The following TGFB3 variants were observed in gnomAD, a reference collection of about 807,000 sequenced individuals.
TGFB3 encodes the protein transforming growth factor beta 3, also known as transforming growth factor beta-3 proprotein.
A neutral mutation model predicts 40.1 loss-of-function variants in TGFB3; 5 were observed. The observed-to-expected ratio is 0.12, with a 90% CI of 0.07 to 0.26. The LOEUF is 0.26. Ranked by LOEUF, TGFB3 falls within the 10% of genes least tolerant of loss-of-function variation. TGFB3 has a pLI of 1.00. For synonymous variants in TGFB3, 184 were observed against 205.6 expected, an observed-to-expected ratio of 0.89 and a Z score of 0.90; for missense variants, 373 against 530.1, an observed-to-expected ratio of 0.70 and a Z score of 2.91.
chr14:75,961,083 C>CA lies in TGFB3; in HGVS notation c.927-8dup, dbSNP rs1303198865. 5 of 1,613,964 alleles carry CA rather than the reference C, an allele frequency of 3.1e-6. No homozygotes were observed. The highest frequency in any genetic ancestry group is 3.3e-5 in the Admixed American group (2 of 60,000). On this transcript the variant is annotated splice_polypyrimidine_tract_variant and splice_region_variant and intron_variant, in intron 5 of 6. Coordinates refer to ENST00000238682, the MANE Select transcript of TGFB3 (RefSeq NM_003239.5). ...GCAGTTCTCCTCCAAGTTGCTACAA[C>CA]AAAAAACATTTATAGAAAATCAACT... is the stretch of plus-strand genomic sequence containing the variant.
intron 1 of TGFB3, among the ~76,000 whole-genome samples, chr14:75,975,375 A>AAAATTG (rs1450231754): frequency 6.6e-6 from 1 of 151,978 alleles, no homozygotes; most frequent in Non-Finnish European, 1.5e-5. Flanking sequence ...CAAAAAAATT[A>AAAATTG]AAATTAAAAT....
In TGFB3 at chr14:75,980,764, T is replaced by A. The variant is rs2140254560; in HGVS notation, c.130A>T (p.Arg44Trp). 6.2e-7 allele frequency: 1 copy of A among 1,614,142 alleles called. No homozygotes were observed. The change falls in exon 1 of 7, where the codon AGG becomes TGG. Residue 44 changes from arginine to tryptophan, a missense_variant. Transcript: ENST00000238682. The surrounding 1 kb of genome is among the most constrained non-coding windows in gnomAD (Gnocchi z 4.3). The stretch of plus-strand genomic sequence containing the variant: ...CTGAGCTTGCTCAAGATCTGTCCCC[T>A]AATGGCTTCCACCCTCTTCTTCTTG... ...HIKKKRVEAIRGQILSKLRLT... is the reference protein window; with the variant it reads ...HIKKKRVEAIWGQILSKLRLT...
chr14:75,970,309 G>T (rs1395702737), intron 3 of TGFB3, among the ~76,000 whole-genome samples: 1 of 152,072 alleles, frequency 6.6e-6, no homozygotes, highest in Non-Finnish European at 1.5e-5. Flanking sequence ...TATAATCCCA[G>T]CACTTTTGGA....
chr14:75,966,048 A>G, intron 3 of TGFB3: 3 of 353,166 alleles, frequency 8.5e-6, no homozygotes, highest in Non-Finnish European at 1.6e-5. Context: ...CAGTAAGGAA[A>G]GCAAAAACTC....
intron 3 of TGFB3, chr14:75,966,732 C>T (rs894289973): frequency 1.3e-5 from 2 of 151,840 alleles, no homozygotes; most frequent in Admixed American, 1.3e-4. Context: ...GTTTTGGCAA[C>T]CAAAATCAAG....
chr14:75,971,566 C>T lies in TGFB3; in HGVS notation c.505G>A (p.Glu169Lys), dbSNP rs1555360808. ...PSSKRNEQRI[E>K]LFQILRPDEH... ...GAGAGAGGAGTTACCTGGAAGAGCT[C>T]GATCCTCTGCTCATTCCGCTTAGAG... The change falls in exon 2 of 7, where the codon GAG becomes AAG. Residue 169 changes from glutamate to lysine, a missense_variant. Glu to Lys is a moderately conservative substitution (Grantham distance 56). Transcript: ENST00000238682. This position sits in a 1 kb window ranked among gnomAD's most constrained non-coding sequence, Gnocchi z 4.5. The T allele has an allele frequency of 1.2e-6, 2 of 1,614,116 alleles. No individual in the cohort carries two copies. Among genetic ancestry groups the T allele is most frequent in the East Asian group, 2.2e-5 (1 of 44,890 alleles).
chr14:75,964,128 G>A (rs1318203070), intron 4 of TGFB3, among the ~76,000 whole-genome samples: 2 of 152,096 alleles, frequency 1.3e-5, no homozygotes, highest in African/African-American at 4.8e-5. Flanking sequence ...CGCCCACCTC[G>A]GCCTCCCAGA....
At chr14:75,965,716 AG>A in intron 3 of TGFB3, 21 bp from the exon 4 acceptor site, 1 of 1,595,126 alleles carries the variant, frequency 6.3e-7, no homozygotes, top group Non-Finnish European at 8.6e-7. Flanking sequence ...AGACAGAATT[AG>A]TGAGAAAAGC....
At chr14:75,963,813 A>G (rs1259005133) in intron 4 of TGFB3, among the ~76,000 whole-genome samples, 1 of 152,182 alleles carries the variant, frequency 6.6e-6, no homozygotes, top group Non-Finnish European at 1.5e-5. Flanking sequence ...TCATGGACCT[A>G]TGAAGCATCC....
At chr14:75,960,854 T>A (rs905287880) in intron 6 of TGFB3, 69 bp downstream of exon 6, 1 of 1,600,978 alleles carries the variant, frequency 6.2e-7, no homozygotes, top group Non-Finnish European at 8.5e-7. Flanking sequence ...AATCCTTCAC[T>A]CATTCTTTTT....
intron 5 of TGFB3, among the ~76,000 whole-genome samples, chr14:75,962,787 G>T (rs3917205): frequency 2.6e-5 from 4 of 152,160 alleles, no homozygotes; most frequent in African/African-American, 9.7e-5. Flanking sequence ...GAGAAGCTGG[G>T]TCTTTTCTAT....
chr14:75,973,425 T>G (rs1184770303), intron 1 of TGFB3, among the ~76,000 whole-genome samples: 1 of 152,258 alleles, frequency 6.6e-6, no homozygotes, highest in Non-Finnish European at 1.5e-5. Context: ...AATGAAGCCC[T>G]GATTAATAAT....
At chr14:75,967,712 TC>T (rs779797817) in intron 3 of TGFB3, among the ~76,000 whole-genome samples, 1 of 152,018 alleles carries the variant, frequency 6.6e-6, no homozygotes, top group Non-Finnish European at 1.5e-5. Flanking sequence ...TCTATAATAA[TC>T]CCATAGAGCA....
chr14:75,965,929 A>T, intron 3 of TGFB3: 1 of 552,844 alleles, frequency 1.8e-6, no homozygotes, highest in Middle Eastern at 4.9e-4. Context: ...AAATGGGGGC[A>T]TACACTAGTG....
At position 75,980,594 on chromosome 14, in the gene TGFB3, G is replaced by A. The variant is rs2035413535; in HGVS notation, c.300C>T (p.Tyr100=). ...CGAATTTATGGATTTCTTTGGCATAGTATTCCGACTCGGTGTTTTCCTGGG... is the reference window on the plus strand; with the variant it reads ...CGAATTTATGGATTTCTTTGGCATAATATTCCGACTCGGTGTTTTCCTGGG... ...GCTQENTESE[Y]YAKEIHKFDM... The change falls in exon 1 of 7, where the codon TAC becomes TAT. Residue 100 remains tyrosine, a synonymous_variant. Coordinates refer to ENST00000238682, the MANE Select transcript of TGFB3 (RefSeq NM_003239.5). This position sits in a 1 kb window ranked among gnomAD's most constrained non-coding sequence, Gnocchi z 4.3. 6.2e-7 allele frequency: 1 copy of A among 1,614,212 alleles called. No individual in the cohort carries two copies. The highest frequency in any genetic ancestry group is 8.5e-7 in the Non-Finnish European group (1 of 1,180,030).
chr14:75,971,180 C>T lies in TGFB3; in HGVS notation c.592G>A (p.Glu198Lys), dbSNP rs778797205. 1.5e-5 allele frequency: 25 copies of T among 1,614,024 alleles called. No homozygotes were observed. The highest frequency in any genetic ancestry group is 1.9e-5 in the Non-Finnish European group (22 of 1,180,046). The change falls in exon 3 of 7, where the codon GAG becomes AAG. Residue 198 changes from glutamate to lysine, a missense_variant. Coordinates refer to ENST00000238682, the MANE Select transcript of TGFB3 (RefSeq NM_003239.5). The surrounding 1 kb of genome is among the most constrained non-coding windows in gnomAD (Gnocchi z 4.5). The stretch of plus-strand genomic sequence containing the variant: ...TCAGTGACATCAAAGGACAGCCACT[C>T]GGCAGTGCCCCGTGTGGGCAGATTC... ...GKNLPTRGTA[E>K]WLSFDVTDTV...
In TGFB3 at chr14:75,978,113, T is replaced by C. The variant is rs1253661914; in HGVS notation, c.352+2429A>G. Among the ~76,000 whole-genome samples the C allele has an allele frequency of 6.6e-6, 1 of 152,152 alleles. No homozygotes were observed. Among genetic ancestry groups the C allele is most frequent in the Non-Finnish European group, 1.5e-5 (1 of 68,036 alleles). On this transcript the variant is annotated intron_variant, in intron 1 of 6. Transcript: ENST00000238682. This position sits in a 1 kb window ranked among gnomAD's most constrained non-coding sequence, Gnocchi z 5.0. ...TCTATCTCCTTGCCCTGGCTCCTAC[T>C]GTCACTTTCCTTTGAATGCATGTTC... is the stretch of plus-strand genomic sequence containing the variant.
In TGFB3 at chr14:75,965,863, G is replaced by T. The variant is rs4252353; in HGVS notation, c.647-168C>A. On this transcript the variant is annotated intron_variant, in intron 3 of 6. Coordinates refer to ENST00000238682, the MANE Select transcript of TGFB3 (RefSeq NM_003239.5). Reference sequence around the variant, plus strand: ...GAAAGTGCCTCCAGAGCTCAGAGTGGACCTTCAAGCGCACGTTGCCACATT... The same window carrying T: ...GAAAGTGCCTCCAGAGCTCAGAGTGTACCTTCAAGCGCACGTTGCCACATT... 5.7e-3 allele frequency: 3,786 copies of T among 669,306 alleles called. 20 individuals are homozygous for T. Among genetic ancestry groups the T allele is most frequent in the Non-Finnish European group, 8.8e-3 (3,276 of 370,804 alleles). 41.5% of individuals were successfully genotyped at this position (669,306 alleles called of 1,614,324 possible).
chr14:75,968,735 C>T (rs1207195014), intron 3 of TGFB3, among the ~76,000 whole-genome samples: 2 of 152,180 alleles, frequency 1.3e-5, no homozygotes, highest in African/African-American at 4.8e-5. Flanking sequence ...CCTGGGTACC[C>T]TTGGGACTGG....
Sources: allele counts gnomAD v4.1 joint callset (sites outside exome capture counted in the v4.1 genomes callset), GRCh38; gene constraint gnomAD v4.1.1; non-coding constraint Gnocchi (gnomAD v3.1); transcripts MANE v1.5; gene names NCBI Gene and HGNC (gene_info 2026-07-23, HGNC 2026-07-21).